Variants in CDH4 observed in about 807,000 individuals in gnomAD.
The protein encoded by CDH4 is cadherin 4, also known as cadherin-4.
A neutral mutation model predicts 86.0 loss-of-function variants in CDH4; 33 were observed. The ratio of observed to expected loss-of-function variants is 0.38; its 90% CI spans 0.29 to 0.51. CDH4 has a LOEUF of 0.51. Among genes scored for constraint, CDH4 ranks in the 20% least tolerant of loss-of-function variants. The pLI is 0.86. For missense variants in CDH4, 1,114 were observed against 1,307.4 expected, an observed-to-expected ratio of 0.85 and a Z score of 2.28; for synonymous variants, 555 against 549.4, an observed-to-expected ratio of 1.01 and a Z score of -0.14.
chr20:61,417,040 C>G lies in CDH4; in HGVS notation c.169+162103C>G, dbSNP rs1361438523. Among the ~76,000 whole-genome samples, 1 of 152,054 alleles carries G rather than the reference C, an allele frequency of 6.6e-6. No individual in the cohort carries two copies. The highest frequency in any genetic ancestry group is 6.6e-5 in the Admixed American group (1 of 15,266). ...GGGGAGGTGTTTGGAAACACCAATT[C>G]AGAACACAGCAAGACTGGCGCAGCC... On this transcript the variant is annotated intron_variant, in intron 2 of 15. Coordinates refer to ENST00000614565, the MANE Select transcript of CDH4 (RefSeq NM_001794.5). This position sits in a 1 kb window ranked among gnomAD's most constrained non-coding sequence, Gnocchi z 4.0.
chr20:61,773,111 C>A lies in CDH4; in HGVS notation c.505C>A (p.Arg169=), dbSNP rs772016353. ...QNANGLRRRK[R]DWVIPPINVP... ...CGCCAACGGGCTGAGGCGGCGCAAA[C>A]GGGACTGGGTCATCCCGCCCATCAA... is the stretch of plus-strand genomic sequence containing the variant. The change falls in exon 4 of 16, where the codon CGG becomes AGG. Residue 169 remains arginine, a synonymous_variant. Transcript: ENST00000614565. The A allele has an allele frequency of 1.2e-6, 2 of 1,611,392 alleles. No individual in the cohort carries two copies. Among genetic ancestry groups the A allele is most frequent in the Non-Finnish European group, 1.7e-6 (2 of 1,179,166 alleles).
chr20:61,429,019 C>A (rs2085229831), intron 2 of CDH4, among the ~76,000 whole-genome samples: 1 of 151,336 alleles, frequency 6.6e-6, no homozygotes, highest in Non-Finnish European at 1.5e-5. Flanking sequence ...AGTCCAGAAC[C>A]TACTTTCTAG....
intron 2 of CDH4, among the ~76,000 whole-genome samples, chr20:61,658,765 C>A (rs1273056717): frequency 6.6e-6 from 1 of 152,024 alleles, no homozygotes; most frequent in East Asian, 1.9e-4. Context: ...GGAAATACCA[C>A]CCCCCCACTC....
chr20:61,552,210 A>G (rs935321012), intron 2 of CDH4, among the ~76,000 whole-genome samples: 1 of 152,246 alleles, frequency 6.6e-6, no homozygotes, highest in African/African-American at 2.4e-5. Context: ...GACAGAAAAT[A>G]TTTGTTAATT....
intron 2 of CDH4, among the ~76,000 whole-genome samples, chr20:61,461,734 G>T (rs997874115): frequency 6.6e-6 from 1 of 152,184 alleles, no homozygotes; most frequent in Non-Finnish European, 1.5e-5. Context: ...TAACCTGTGC[G>T]CTGACCTGGA....
chr20:61,606,738 CCA>C (rs1325211671), intron 2 of CDH4, among the ~76,000 whole-genome samples: 1 of 152,200 alleles, frequency 6.6e-6, no homozygotes, highest in Non-Finnish European at 1.5e-5. Flanking sequence ...CTGCTCAGGG[CCA>C]GTGACATTTT....
intron 2 of CDH4, among the ~76,000 whole-genome samples, chr20:61,649,767 A>C (rs1468782177): frequency 2.0e-5 from 3 of 152,216 alleles, no homozygotes; most frequent in African/African-American, 7.2e-5. Context: ...GGCCGTGAGC[A>C]GGTCTGTGAT....
intron 2 of CDH4, among the ~76,000 whole-genome samples, chr20:61,498,830 G>A (rs914578694): frequency 5.3e-5 from 8 of 152,162 alleles, no homozygotes; most frequent in African/African-American, 9.6e-5. Context: ...ATTCGAAGCC[G>A]TCCTGGGCCG....
In CDH4 at chr20:61,252,445, G is replaced by GCGGCGGCGGTCT. The variant is rs1373477879; in HGVS notation, c.-60_-59insTCTCGGCGGCGG. 1 of 232,678 alleles carries GCGGCGGCGGTCT rather than the reference G, an allele frequency of 4.3e-6. No homozygotes were observed. Among genetic ancestry groups the GCGGCGGCGGTCT allele is most frequent in the African/African-American group, 1.1e-4 (1 of 8,798 alleles). The allele number at this position is 232,678 out of a possible 1,614,324, so 14.4% of individuals were successfully genotyped here. A position where few individuals can be genotyped will look rare whatever the true frequency, so the allele number is the denominator to read the frequency against. ...GATCGGAGCGGCGGCGGTGGTCTCG[G>GCGGCGGCGGTCT]CGGCGGCGGCGGCGGCGGCGGCAGG... is the stretch of plus-strand genomic sequence containing the variant. On this transcript the variant is annotated 5_prime_UTR_variant, in exon 1 of 16. Coordinates refer to ENST00000614565, the MANE Select transcript of CDH4 (RefSeq NM_001794.5). The surrounding 1 kb of genome is among the most constrained non-coding windows in gnomAD (Gnocchi z 4.4).
rs114796100 is a variant in CDH4 at position 61,587,622 on chromosome 20, A to T, written c.170-155941A>T. ...CTCCGCTCCTTCCCCAGCTGACCCCATAACCAGCTGGGGCACCACGTCTTC... is the reference window on the plus strand; with the variant it reads ...CTCCGCTCCTTCCCCAGCTGACCCCTTAACCAGCTGGGGCACCACGTCTTC... On this transcript the variant is annotated intron_variant, in intron 2 of 15. Transcript: ENST00000614565. Among the ~76,000 whole-genome samples, 396 of 152,150 alleles carry T rather than the reference A, an allele frequency of 2.6e-3. 2 individuals are homozygous for T. Among genetic ancestry groups the T allele is most frequent in the African/African-American group, 8.6e-3 (356 of 41,506 alleles).
At chr20:61,893,484 A>T (rs1984946720) in intron 7 of CDH4, among the ~76,000 whole-genome samples, 2 of 115,592 alleles carry the variant, frequency 1.7e-5, no homozygotes, top group African/African-American at 6.6e-5. Flanking sequence ...GAGTAGAGGG[A>T]TGGTGGATGG....
intron 2 of CDH4, among the ~76,000 whole-genome samples, chr20:61,266,742 TG>T (rs2084160055): frequency 6.6e-6 from 1 of 151,950 alleles, no homozygotes; most frequent in African/African-American, 2.4e-5. Context: ...ACTCCCTGCC[TG>T]GGGGGTGCTT....
chr20:61,533,792 T>C (rs977166070), intron 2 of CDH4, among the ~76,000 whole-genome samples: 2 of 152,202 alleles, frequency 1.3e-5, no homozygotes, highest in African/African-American at 4.8e-5. Context: ...ATATGGAGCC[T>C]AATTACCCAC....
intron 2 of CDH4, among the ~76,000 whole-genome samples, chr20:61,656,260 G>A (rs1272091310): frequency 4.2e-5 from 6 of 141,422 alleles, no homozygotes; most frequent in African/African-American, 1.1e-4. Context: ...TGCTGGGGTG[G>A]GCAGGCGCGT....
intron 2 of CDH4, among the ~76,000 whole-genome samples, chr20:61,352,109 A>G (rs2084716356): frequency 1.3e-5 from 2 of 151,970 alleles, no homozygotes; most frequent in Admixed American, 6.6e-5. Flanking sequence ...CATTCTTTCT[A>G]ACTTTTTCTG....
At chr20:61,756,389 G>A (rs1184693590) in intron 3 of CDH4, among the ~76,000 whole-genome samples, 2 of 152,170 alleles carry the variant, frequency 1.3e-5, no homozygotes, top group Non-Finnish European at 2.9e-5. Flanking sequence ...GTGTGTCACT[G>A]TAGAGCACGT....
At chr20:61,258,199 G>T (rs149587622) in intron 2 of CDH4, among the ~76,000 whole-genome samples, 155 of 151,980 alleles carry the variant, frequency 1.0e-3, no homozygotes, top group African/African-American at 3.5e-3. Flanking sequence ...GCGCGGTGGC[G>T]GGAGCCTGTA....
chr20:61,709,296 A>G lies in CDH4; in HGVS notation c.170-34267A>G, dbSNP rs2087864947. On this transcript the variant is annotated intron_variant, in intron 2 of 15. Transcript: ENST00000614565. The surrounding 1 kb of genome is among the most constrained non-coding windows in gnomAD (Gnocchi z 4.8). ...GACTTATTTATTTATTTATTTTCTG[A>G]GAGCGTCTTGCTCTGTTGCCCAGGC... Among the ~76,000 whole-genome samples, 2 of 152,066 alleles carry G rather than the reference A, an allele frequency of 1.3e-5. No homozygotes were observed. Among genetic ancestry groups the G allele is most frequent in the African/African-American group, 4.8e-5 (2 of 41,340 alleles).
intron 4 of CDH4, among the ~76,000 whole-genome samples, chr20:61,781,163 CT>C (rs918151949): frequency 2.0e-5 from 3 of 152,112 alleles, no homozygotes; most frequent in African/African-American, 7.2e-5. Context: ...AATAAACACC[CT>C]CAGGGAAAGA....
Sources: gnomAD v4.1 joint callset for allele counts (sites outside exome capture counted in the v4.1 genomes callset) on GRCh38, gnomAD v4.1.1 for gene constraint, Gnocchi (gnomAD v3.1) non-coding constraint, MANE v1.5 for transcripts, NCBI Gene and HGNC (gene_info 2026-07-23, HGNC 2026-07-21) for gene names.